The following LYRM4 variants were observed in gnomAD, a reference collection of about 807,000 sequenced individuals.
The protein encoded by LYRM4 is LYR motif containing 4.
LYRM4 carries 9 observed loss-of-function variants against 11.7 expected under a neutral mutation model. That is an observed-to-expected ratio of 0.77 (90% confidence interval 0.46 to 1.34). The LOEUF is 1.34. Ranked by LOEUF, LYRM4 falls within the 40% of genes most tolerant of loss-of-function variation. The pLI is 0.00. For synonymous variants in LYRM4, 42 were observed against 40.4 expected (o/e 1.04, Z -0.15); for missense variants, 133 against 112.5 (o/e 1.18, Z -0.82).
rs911947344 is a variant in LYRM4 at position 5,109,132 on chromosome 6, A to G, written c.*291T>C. On this transcript the variant is annotated 3_prime_UTR_variant, in exon 3 of 3. Transcript: ENST00000330636. ...GAAACAAAGTGTAGAAATGCTATAC[A>G]CAATGGTCATGAGCTACAAGGTAGG... 1.4e-5 allele frequency: 18 copies of G among 1,243,476 alleles called. No individual in the cohort carries two copies. Among genetic ancestry groups the G allele is most frequent in the Admixed American group, 3.4e-5 (1 of 29,220 alleles). 77.0% of individuals were successfully genotyped at this position (1,243,476 alleles called of 1,614,324 possible). A position where few individuals can be genotyped will look rare whatever the true frequency, so the allele number is the denominator to read the frequency against.
chr6:5,138,624 A>G (rs561702077), intron 2 of LYRM4: 183 of 957,356 alleles, frequency 1.9e-4, no homozygotes, highest in Admixed American at 3.9e-4. Context: ...AACCTTATAT[A>G]CTATGACATC....
the LYRM4 span, among the ~76,000 whole-genome samples, chr6:5,063,356 T>A: frequency 6.6e-6 from 1 of 151,836 alleles, no homozygotes; most frequent in Non-Finnish European, 1.5e-5. Context: ...CTGGGGAGAT[T>A]GGAGTCCCTG....
At chr6:5,183,195 C>T (rs1307978092) in intron 2 of LYRM4, among the ~76,000 whole-genome samples, 3 of 152,098 alleles carry the variant, frequency 2.0e-5, no homozygotes, top group Non-Finnish European at 4.4e-5. Context: ...CTTATGGGGA[C>T]ATGGTTGGAG....
intron 1 of LYRM4, among the ~76,000 whole-genome samples, chr6:5,235,938 TAAGA>T (rs1326056641): frequency 6.6e-6 from 1 of 152,170 alleles, no homozygotes; most frequent in East Asian, 1.9e-4. Flanking sequence ...TGGCCTAGAA[TAAGA>T]AAGAAATGTT....
At chr6:5,184,933 A>G (rs1760295381) in intron 2 of LYRM4, among the ~76,000 whole-genome samples, 1 of 152,168 alleles carries the variant, frequency 6.6e-6, no homozygotes, top group Non-Finnish European at 1.5e-5. Flanking sequence ...CGCAAGCCCA[A>G]GCACAGGGTC....
chr6:5,074,598 A>T, the LYRM4 span, among the ~76,000 whole-genome samples: 2 of 151,446 alleles, frequency 1.3e-5, no homozygotes, highest in African/African-American at 2.4e-5. Flanking sequence ...TAACACTTGA[A>T]CAAGTGAGGA....
chr6:5,213,824 C>T (rs968656347), intron 2 of LYRM4, among the ~76,000 whole-genome samples: 1 of 152,180 alleles, frequency 6.6e-6, no homozygotes, highest in South Asian at 2.1e-4. Context: ...TGTTCTAGAT[C>T]CTGTGGATAA....
chr6:5,259,742 C>T (rs1398649173), intron 1 of LYRM4, among the ~76,000 whole-genome samples: 1 of 152,082 alleles, frequency 6.6e-6, no homozygotes, highest in African/African-American at 2.4e-5. Flanking sequence ...GTTGATCCAA[C>T]CAGATTCTTT....
intron 2 of LYRM4, among the ~76,000 whole-genome samples, chr6:5,110,023 C>T (rs944874679): frequency 2.0e-5 from 3 of 152,302 alleles, no homozygotes; most frequent in Middle Eastern, 3.4e-3. Flanking sequence ...ATCTTTCCTG[C>T]CCCCTTCTTT....
chr6:5,079,196 T>C, the LYRM4 span, among the ~76,000 whole-genome samples: 2 of 152,178 alleles, frequency 1.3e-5, no homozygotes. Flanking sequence ...ATTGTGGAGA[T>C]GTAATAAAAC....
chr6:5,066,328 T>C, the LYRM4 span: 3 of 720,002 alleles, frequency 4.2e-6, no homozygotes, highest in African/African-American at 5.3e-5. Context: ...TCGTCCAAAT[T>C]TATATCTAGA....
intron 2 of LYRM4, among the ~76,000 whole-genome samples, chr6:5,151,618 G>A (rs1339095575): frequency 6.6e-6 from 1 of 152,144 alleles, no homozygotes; most frequent in Non-Finnish European, 1.5e-5. Flanking sequence ...ATTTTATCAG[G>A]AGGCAGCATG....
chr6:5,229,763 T>C (rs2127740889), intron 1 of LYRM4, among the ~76,000 whole-genome samples: 1 of 152,330 alleles, frequency 6.6e-6, no homozygotes, highest in Non-Finnish European at 1.5e-5. Context: ...AGAAAGGTTC[T>C]ATGGGGTCTG....
intron 1 of LYRM4, among the ~76,000 whole-genome samples, chr6:5,221,517 AC>A (rs2127729860): frequency 6.6e-6 from 1 of 151,986 alleles, no homozygotes; most frequent in East Asian, 1.9e-4. Flanking sequence ...ACATGGTGAA[AC>A]CCTGTCTCTA....
intron 2 of LYRM4, among the ~76,000 whole-genome samples, chr6:5,130,005 T>G (rs1454528851): frequency 6.6e-6 from 1 of 152,254 alleles, no homozygotes; most frequent in Non-Finnish European, 1.5e-5. Context: ...TTACAGATTA[T>G]GTTCTAAATA....
chr6:5,218,601 G>A (rs1190786214), intron 1 of LYRM4, among the ~76,000 whole-genome samples: 2 of 152,196 alleles, frequency 1.3e-5, no homozygotes. Flanking sequence ...CTGAGACTTT[G>A]ATCTTAACCC....
At chr6:5,100,991 C>T (rs764942218), downstream of LYRM4, among the ~76,000 whole-genome samples, 2 of 152,202 alleles carry the variant, frequency 1.3e-5, no homozygotes, top group South Asian at 2.1e-4. Context: ...CTTACGTCTC[C>T]GTGCCTGCCA....
At chr6:5,119,627 AAAT>A (rs1227864013) in intron 2 of LYRM4, among the ~76,000 whole-genome samples, 1 of 151,824 alleles carries the variant, frequency 6.6e-6, no homozygotes, top group Non-Finnish European at 1.5e-5. Flanking sequence ...TCGCTACTAA[AAAT>A]ACAAAAAAAT....
chr6:5,258,738 A>G (rs1266209815), intron 1 of LYRM4, among the ~76,000 whole-genome samples: 1 of 152,244 alleles, frequency 6.6e-6, no homozygotes, highest in African/African-American at 2.4e-5. Context: ...ATATTTGGAT[A>G]GTAAATTTAG....
Sources: gnomAD v4.1 joint callset for allele counts (sites outside exome capture counted in the v4.1 genomes callset) on GRCh38, gnomAD v4.1.1 for gene constraint, MANE v1.5 for transcripts, NCBI Gene and HGNC (gene_info 2026-07-23, HGNC 2026-07-21) for gene names.